Variants in PPP2R3B observed in about 807,000 individuals in gnomAD.
PPP2R3B encodes the protein serine/threonine-protein phosphatase 2A regulatory subunit B'' subunit beta.
Under a neutral mutation model 72.9 loss-of-function variants are expected in PPP2R3B, and 68 were observed. The ratio of observed to expected loss-of-function variants is 0.93; its 90% CI spans 0.77 to 1.14. PPP2R3B has a LOEUF of 1.14. PPP2R3B is among the 50% of genes most tolerant of loss of function. PPP2R3B has a pLI of 0.00. For missense variants in PPP2R3B, 1,018 were observed against 842.0 expected, an observed-to-expected ratio of 1.21 and a Z score of -2.59; for synonymous variants, 466 against 375.8, an observed-to-expected ratio of 1.24 and a Z score of -2.78.
intron 1 of PPP2R3B, among the ~76,000 whole-genome samples, 185 bp downstream of exon 1, chrX:386,183 T>A (rs191124180): frequency 1.3e-5 from 2 of 150,490 alleles, no homozygotes; most frequent in African/African-American, 2.4e-5. Flanking sequence ...AATGACGGAA[T>A]GTTCAGTACG....
intron 1 of PPP2R3B, among the ~76,000 whole-genome samples, chrX:383,067 G>C (rs1244536183): frequency 6.6e-6 from 1 of 152,188 alleles, no homozygotes; most frequent in Non-Finnish European, 1.5e-5. Flanking sequence ...ATGCGTCCTG[G>C]GGCCCTGAGT....
intron 7 of PPP2R3B, chrX:345,027 G>C: frequency 2.7e-6 from 1 of 377,188 alleles, no homozygotes; most frequent in Non-Finnish European, 5.2e-6. Flanking sequence ...TAGAGGGGCC[G>C]GGAGGCAGTG....
At chrX:363,629 C>T (rs1221026443) in intron 1 of PPP2R3B, among the ~76,000 whole-genome samples, 14 of 77,150 alleles carry the variant, frequency 1.8e-4, no homozygotes, top group East Asian at 3.9e-4. Context: ...TCTCCCCGAG[C>T]CCACCATCCC....
intron 1 of PPP2R3B, among the ~76,000 whole-genome samples, chrX:363,257 G>GC (rs2071582940): frequency 9.8e-6 from 1 of 101,628 alleles, no homozygotes; most frequent in Non-Finnish European, 2.0e-5. Flanking sequence ...CCGAGCCCAT[G>GC]ATCCCGCAGT....
chrX:334,794 C>T (rs970265696), intron 12 of PPP2R3B: 16 of 390,876 alleles, frequency 4.1e-5, no homozygotes, highest in Non-Finnish European at 5.0e-5. Context: ...TGGGCGGGCG[C>T]GCCTCTTCCC....
chrX:355,809 G>C (rs1334367858), intron 2 of PPP2R3B, among the ~76,000 whole-genome samples: 1 of 152,240 alleles, frequency 6.6e-6, no homozygotes, highest in Non-Finnish European at 1.5e-5. Flanking sequence ...GGTAGCGTGG[G>C]ATGAGGGCAG....
chrX:359,775 C>T (rs2071504725), intron 2 of PPP2R3B: 1 of 485,290 alleles, frequency 2.1e-6, no homozygotes, highest in Admixed American at 2.4e-5. Flanking sequence ...CATATTTGTA[C>T]ATAATTGCTC....
At chrX:356,771 G>A (rs935848162) in intron 2 of PPP2R3B, among the ~76,000 whole-genome samples, 3 of 118,908 alleles carry the variant, frequency 2.5e-5, no homozygotes, top group African/African-American at 6.4e-5. Context: ...CTGCCCATAC[G>A]GCCAGGGACA....
At chrX:376,474 C>T (rs1359637613) in intron 1 of PPP2R3B, among the ~76,000 whole-genome samples, 9 of 152,094 alleles carry the variant, frequency 5.9e-5, no homozygotes, top group East Asian at 3.9e-4. Flanking sequence ...AGGGACGGGC[C>T]GTCCACAGTG....
chrX:339,271 C>CCGGG (rs779199961), intron 10 of PPP2R3B, among the ~76,000 whole-genome samples: 1 of 43,670 alleles, frequency 2.3e-5, no homozygotes, highest in African/African-American at 8.0e-5. Flanking sequence ...CGCCCCATGG[C>CCGGG]CGGGGGGGGC....
At chrX:367,724 C>T (rs1045626858) in intron 1 of PPP2R3B, among the ~76,000 whole-genome samples, 2 of 152,138 alleles carry the variant, frequency 1.3e-5, no homozygotes, top group Non-Finnish European at 1.5e-5. Context: ...CTCAATGCAC[C>T]GAGTGCTCTA....
At chrX:351,473 G>C (rs780589297) in intron 2 of PPP2R3B, among the ~76,000 whole-genome samples, 1 of 152,342 alleles carries the variant, frequency 6.6e-6, no homozygotes, top group South Asian at 2.1e-4. Flanking sequence ...AGCCGTGCAG[G>C]ATATAGCGTC....
chrX:367,027 C>CAAAA (rs768980401), intron 1 of PPP2R3B, among the ~76,000 whole-genome samples: 28 of 139,806 alleles, frequency 2.0e-4, no homozygotes, highest in African/African-American at 7.6e-4. Flanking sequence ...GACTCTGTCT[C>CAAAA]AAAAAAAAAA....
intron 1 of PPP2R3B, among the ~76,000 whole-genome samples, chrX:384,537 T>C (rs2072202691): frequency 1.3e-5 from 2 of 152,044 alleles, no homozygotes; most frequent in South Asian, 2.1e-4. Context: ...TCAAGTGATC[T>C]GCCTGCCTCC....
Position 346,713 on chromosome X carries a change from G to C in PPP2R3B, c.780C>G (p.Arg260=), listed in dbSNP as rs961086982. 1.9e-6 allele frequency: 3 copies of C among 1,609,538 alleles called. No individual in the cohort carries two copies. The highest frequency in any genetic ancestry group is 2.7e-5 in the African/African-American group (2 of 74,846). The change falls in exon 5 of 13, where the codon CGC becomes CGG. Residue 260 remains arginine, a synonymous_variant. Coordinates refer to ENST00000390665, the MANE Select transcript of PPP2R3B (RefSeq NM_013239.5). ...GCTGGGGACCCACCGTGGTGATGTA[G>C]CGCGAGTGGAACTCGGACGCCTCCT... The part of the protein sequence containing the change: ...FLKEASEFHS[R]YITTVIQRIF...
At chrX:347,972 G>A (rs1159087990) in intron 2 of PPP2R3B, 9 of 417,430 alleles carry the variant, frequency 2.2e-5, no homozygotes, top group South Asian at 1.6e-4. Context: ...CATCCCCAGC[G>A]TCTGGAAATC....
At chrX:334,775 CAG>C (rs2070843927) in intron 12 of PPP2R3B, 7 of 420,528 alleles carry the variant, frequency 1.7e-5, no homozygotes, top group Non-Finnish European at 2.9e-5. Flanking sequence ...GAGCTACACA[CAG>C]AGGACCTGGG....
chrX:351,409 G>A (rs917960878), intron 2 of PPP2R3B, among the ~76,000 whole-genome samples: 29 of 152,306 alleles, frequency 1.9e-4, no homozygotes, highest in Non-Finnish European at 3.2e-4. Context: ...TCCTCACCGC[G>A]TGCAAGACAC....
At chrX:363,627 A>ATCCCACAATGCATCTTCCCAT (rs1569404184) in intron 1 of PPP2R3B, among the ~76,000 whole-genome samples, 44 of 3,998 alleles carry the variant, frequency 0.011, no homozygotes, top group South Asian at 0.034. Flanking sequence ...CATCTCCCCG[A>ATCCCACAATGCATCTTCCCAT]GCCCACCATC....
Sources: allele counts gnomAD v4.1 joint callset (sites outside exome capture counted in the v4.1 genomes callset), GRCh38; gene constraint gnomAD v4.1.1; transcripts MANE v1.5; gene names NCBI Gene and HGNC (gene_info 2026-07-23, HGNC 2026-07-21).